CELF2: variants seen among roughly 807,000 people sequenced by gnomAD.
CELF2 encodes the protein CUG triplet repeat RNA-binding protein 2.
CELF2 carries 8 observed loss-of-function variants against 62.6 expected under a neutral mutation model. That is an observed-to-expected ratio of 0.13 (90% CI 0.07 to 0.23). CELF2 has a LOEUF of 0.23. CELF2 is among the 10% of genes least tolerant of loss of function. The pLI, the probability that CELF2 is intolerant of heterozygous loss-of-function variation, is 1.00. For synonymous variants in CELF2, 258 were observed against 250.0 expected, an observed-to-expected ratio of 1.03 and a Z score of -0.30; for missense variants, 333 against 671.0, an observed-to-expected ratio of 0.50 and a Z score of 5.56.
At chr10:10,511,184 C>A in the CELF2 span, among the ~76,000 whole-genome samples, 2 of 152,098 alleles carry the variant, frequency 1.3e-5, no homozygotes, top group Admixed American at 6.5e-5. Context: ...CCAAGGTGGA[C>A]AGATCACCTG....
At chr10:11,129,286 TTTA>T (rs2059233959) in intron 1 of CELF2, among the ~76,000 whole-genome samples, 1 of 152,214 alleles carries the variant, frequency 6.6e-6, no homozygotes, top group African/African-American at 2.4e-5. Flanking sequence ...TTGCCAGTAT[TTTA>T]TTGAGAATTT....
chr10:10,915,468 G>A (rs1358190289), intron 1 of CELF2, among the ~76,000 whole-genome samples: 1 of 152,136 alleles, frequency 6.6e-6, no homozygotes, highest in East Asian at 1.9e-4. Context: ...AGCAGTAGAA[G>A]GATCACAGCT....
rs190433547 is a variant in CELF2 at position 11,129,490 on chromosome 10, T to C, written c.75-35996T>C. On this transcript the variant is annotated intron_variant, in intron 1 of 12. Coordinates refer to ENST00000633077, the MANE Select transcript of CELF2 (RefSeq NM_001326342.2). ...CTTTGTACCTCTGGTAGAATTCAGC[T>C]GTGAATCTGTCTGGTCCTGGCCTTT... 1.4e-4 allele frequency among the ~76,000 whole-genome samples: 22 copies of C among 152,348 alleles called. No homozygotes were observed. In the East Asian group the frequency reaches 3.1e-3, roughly 21 times the overall value.
chr10:10,736,652 A>G, the CELF2 span, among the ~76,000 whole-genome samples: 2 of 151,904 alleles, frequency 1.3e-5, no homozygotes, highest in Admixed American at 1.3e-4. Flanking sequence ...CTTATATGGC[A>G]AGATGATTGA....
Position 11,200,349 on chromosome 10 carries a change from T to C in CELF2, c.272-17076T>C, listed in dbSNP as rs185380975. Among the ~76,000 whole-genome samples, 606 of 152,336 alleles carry C rather than the reference T, an allele frequency of 4.0e-3. 10 individuals carry two copies. The highest frequency in any genetic ancestry group is 6.8e-3 in the Middle Eastern group (2 of 294). On this transcript the variant is annotated intron_variant, in intron 2 of 12. Transcript: ENST00000633077. The stretch of plus-strand genomic sequence containing the variant: ...CCAAAATGCTAAAAGCCTAAGAGCA[T>C]GTTCCTACAGCAAAGATATGAATTC...
At chr10:11,186,840 G>C (rs929492096) in intron 2 of CELF2, among the ~76,000 whole-genome samples, 1 of 152,182 alleles carries the variant, frequency 6.6e-6, no homozygotes, top group Non-Finnish European at 1.5e-5. Flanking sequence ...ATCTCAACCT[G>C]TATTTGAGAG....
At position 11,334,390 on chromosome 10, in the gene CELF2, G is replaced by T. The variant is rs2096081653; in HGVS notation, c.*5337G>T. ...TCTCTCTCTGCGTGTTGTATTGTTG[G>T]TAGTCATTATATGTTGGTGATACAT... On this transcript the variant is annotated 3_prime_UTR_variant, in exon 13 of 13. Coordinates refer to ENST00000633077, the MANE Select transcript of CELF2 (RefSeq NM_001326342.2). 6.6e-6 allele frequency: 1 copy of T among 152,522 alleles called. No homozygotes were observed. The highest frequency in any genetic ancestry group is 2.4e-5 in the African/African-American group (1 of 41,396). The allele number at this position is 152,522 out of a possible 1,614,324, so 9.4% of individuals were successfully genotyped here.
chr10:11,124,238 GTC>G (rs1334378166), intron 1 of CELF2, among the ~76,000 whole-genome samples: 1 of 152,082 alleles, frequency 6.6e-6, no homozygotes, highest in East Asian at 1.9e-4. Flanking sequence ...CTCTCCCTCT[GTC>G]TCTCTTGATA....
chr10:10,648,173 A>G, the CELF2 span, among the ~76,000 whole-genome samples: 1 of 152,188 alleles, frequency 6.6e-6, no homozygotes, highest in Admixed American at 6.5e-5. Flanking sequence ...GTAGCACCTC[A>G]TCCCCATGTT....
intron 2 of CELF2, among the ~76,000 whole-genome samples, chr10:10,924,509 T>C (rs1054404442): frequency 2.0e-5 from 3 of 152,124 alleles, no homozygotes; most frequent in African/African-American, 4.8e-5. Flanking sequence ...GAGATTCATA[T>C]GTTGATTCTT....
chr10:11,050,328 T>C (rs2063682975), intron 1 of CELF2, among the ~76,000 whole-genome samples: 1 of 152,220 alleles, frequency 6.6e-6, no homozygotes, highest in Non-Finnish European at 1.5e-5. Flanking sequence ...AAATGCAACA[T>C]TTAAAAATCA....
At chr10:10,606,430 T>C in the CELF2 span, among the ~76,000 whole-genome samples, 1 of 152,132 alleles carries the variant, frequency 6.6e-6, no homozygotes, top group African/African-American at 2.4e-5. Flanking sequence ...TAAATTAAAG[T>C]GGTGGGGCTG....
the CELF2 span, among the ~76,000 whole-genome samples, chr10:10,672,597 A>G: frequency 1.1e-3 from 170 of 151,568 alleles, no homozygotes; most frequent in Non-Finnish European, 1.9e-3. Context: ...GTCAAAAATC[A>G]GTTGCTATGT....
chr10:10,777,046 C>G, the CELF2 span, among the ~76,000 whole-genome samples: 1 of 152,192 alleles, frequency 6.6e-6, no homozygotes, highest in Non-Finnish European at 1.5e-5. Flanking sequence ...CATTCCCATG[C>G]GCTACCCGCC....
chr10:11,107,842 C>T (rs1461916316), intron 1 of CELF2, among the ~76,000 whole-genome samples: 3 of 131,376 alleles, frequency 2.3e-5, no homozygotes, highest in Non-Finnish European at 5.1e-5. Context: ...TCCTCTGCCC[C>T]CTATTTCTCC....
At chr10:11,158,288 A>G (rs1469771908) in intron 1 of CELF2, among the ~76,000 whole-genome samples, 1 of 152,148 alleles carries the variant, frequency 6.6e-6, no homozygotes, top group African/African-American at 2.4e-5. Flanking sequence ...TCCTGTCTGT[A>G]AAGTTAGGGG....
chr10:11,320,568 CT>C (rs1301870967), intron 10 of CELF2, among the ~76,000 whole-genome samples: 4 of 151,918 alleles, frequency 2.6e-5, no homozygotes, highest in African/African-American at 9.7e-5. Flanking sequence ...CTATTTATTC[CT>C]AAGGTCCTAG....
chr10:10,468,690 C>A, the CELF2 span, among the ~76,000 whole-genome samples: 1 of 152,086 alleles, frequency 6.6e-6, no homozygotes, highest in African/African-American at 2.4e-5. Context: ...GTTTTCTTCA[C>A]AATTTGATGT....
the CELF2 span, among the ~76,000 whole-genome samples, chr10:10,789,907 CTCA>C: frequency 6.6e-6 from 1 of 151,942 alleles, no homozygotes; most frequent in Admixed American, 6.6e-5. Context: ...TTTTTATGAA[CTCA>C]AACATGAACT....
Sources: allele counts gnomAD v4.1 joint callset (sites outside exome capture counted in the v4.1 genomes callset), GRCh38; gene constraint gnomAD v4.1.1; transcripts MANE v1.5; gene names NCBI Gene and HGNC (gene_info 2026-07-23, HGNC 2026-07-21).